Variants in KIAA1549 observed in about 807,000 individuals in gnomAD.
KIAA1549 encodes the protein KIAA1549.
A neutral mutation model predicts 156.4 loss-of-function variants in KIAA1549; 70 were observed. The ratio of observed to expected loss-of-function variants is 0.45; its 90% CI spans 0.37 to 0.55. KIAA1549 has a LOEUF of 0.55. Among genes scored for constraint, KIAA1549 ranks in the 20% least tolerant of loss-of-function variants. KIAA1549 has a pLI of 0.00. For synonymous variants in KIAA1549, 1,103 were observed against 1,066.4 expected (o/e 1.03, Z -0.67); for missense variants, 2,428 against 2,540.9 (o/e 0.96, Z 0.96).
intron 1 of KIAA1549, among the ~76,000 whole-genome samples, chr7:138,972,140 A>C (rs570807372): frequency 3.0e-4 from 46 of 151,928 alleles, no homozygotes; most frequent in Non-Finnish European, 5.7e-4. Flanking sequence ...TCCTCTGGGA[A>C]CTTTCTTTCA....
In KIAA1549 at chr7:138,879,596, T is replaced by G. The variant is rs1367747126; in HGVS notation, c.4287A>C (p.Ala1429=). 2 of 1,568,466 alleles carry G rather than the reference T, an allele frequency of 1.3e-6. No homozygotes were observed. The highest frequency in any genetic ancestry group is 1.9e-5 in the Admixed American group (1 of 53,790). Residue 1429 remains alanine (A), a synonymous_variant, in exon 12 of 20, where the codon GCA becomes GCC. Coordinates refer to ENST00000422774, the MANE Select transcript of KIAA1549 (RefSeq NM_001164665.2). ...TVSEESSERD[A]GDKTPGAVND... ...TGACGGCTCCCGGCGTCTTATCTCC[T>G]GCGTCCCTCTCGCTGGACTCTTCAC...
intron 1 of KIAA1549, among the ~76,000 whole-genome samples, chr7:138,937,718 G>C (rs867271519): frequency 1.3e-4 from 20 of 152,292 alleles, no homozygotes; most frequent in African/African-American, 4.3e-4. Flanking sequence ...CGAATGGTGC[G>C]GGGTCACCAA....
chr7:138,840,175 G>A lies in KIAA1549; in HGVS notation c.5556C>T (p.Gly1852=). The A allele has an allele frequency of 6.4e-7, 1 of 1,559,622 alleles. No individual in the cohort carries two copies. Among genetic ancestry groups the A allele is most frequent in the Non-Finnish European group, 8.7e-7 (1 of 1,151,456 alleles). The change falls in exon 19 of 20, where the codon GGC becomes GGT. Residue 1852 remains glycine (G), a synonymous_variant. Transcript: ENST00000422774. ...PSRGSQYGGP[G]WPSYGEDEAG... ...CTTCGTCCTCCCCGTACGAAGGCCAGCCTGGCCCCCCATACTGGCTGCCTC... is the reference window on the plus strand; with the variant it reads ...CTTCGTCCTCCCCGTACGAAGGCCAACCTGGCCCCCCATACTGGCTGCCTC...
At position 138,879,703 on chromosome 7, in the gene KIAA1549, AG is replaced by A. The variant is rs1325862043; in HGVS notation, c.4230-51del. ...ACATTAGAAACAAGAAAGAATGAAA[AG>A]GAAAAAGTCCCATTAATTTGTGTGT... is the stretch of plus-strand genomic sequence containing the variant. On this transcript the variant is annotated intron_variant, in intron 11 of 19. Coordinates refer to ENST00000422774, the MANE Select transcript of KIAA1549 (RefSeq NM_001164665.2). The A allele has an allele frequency of 3.3e-6, 4 of 1,212,762 alleles. No homozygotes were observed. The East Asian group carries it at 1.0e-4, about 31-fold the overall frequency. 75.1% of individuals were successfully genotyped at this position (1,212,762 alleles called of 1,614,324 possible).
At chr7:138,902,295 G>A (rs918703658) in intron 8 of KIAA1549, among the ~76,000 whole-genome samples, 45 of 152,176 alleles carry the variant, frequency 3.0e-4, no homozygotes, top group Admixed American at 2.4e-3. Flanking sequence ...AACACTTCCC[G>A]GCTCCTGCCC....
chr7:138,926,734 C>A (rs116502209), intron 1 of KIAA1549, among the ~76,000 whole-genome samples: 1,943 of 152,262 alleles, frequency 0.013, 48 homozygotes, highest in African/African-American at 0.044. Context: ...GCAAAATGTA[C>A]ACCAATATCT....
Position 138,954,474 on chromosome 7 carries a change from C to A in KIAA1549, c.187+26609G>T, listed in dbSNP as rs184490550. ...GTGTGGATTTTATCTAACAAGCTGG[C>A]ATCCTTAACAGCCACCCCCTGCCAA... On this transcript the variant is annotated intron_variant, in intron 1 of 19. Coordinates refer to ENST00000422774, the MANE Select transcript of KIAA1549 (RefSeq NM_001164665.2). 8.5e-5 allele frequency among the ~76,000 whole-genome samples: 13 copies of A among 152,280 alleles called. No homozygotes were observed. The East Asian group carries it at 2.5e-3, about 29-fold the overall frequency.
At chr7:138,919,574 T>C (rs1812493460) in intron 1 of KIAA1549, 136 bp from the exon 2 acceptor site, 1 of 1,412,166 alleles carries the variant, frequency 7.1e-7, no homozygotes, top group South Asian at 1.4e-5. Flanking sequence ...CGTCAGAAGT[T>C]AAACAGCTAG....
chr7:138,933,416 G>T (rs2130508743), intron 1 of KIAA1549, among the ~76,000 whole-genome samples: 1 of 152,356 alleles, frequency 6.6e-6, no homozygotes, highest in South Asian at 2.1e-4. Flanking sequence ...GGCAAGAAAA[G>T]ACTGAGGAAC....
rs1563070867 is a variant in KIAA1549 at position 138,903,866 on chromosome 7, C to CGT, written c.3521-131_3521-130insAC. On this transcript the variant is annotated intron_variant, in intron 7 of 19. Transcript: ENST00000422774. ...GTGTGTGTGTGTGCGCGCGCGCGCG[C>CGT]GCGCACATATGTATTTGAAATTAAT... 2.9e-5 allele frequency: 20 copies of CGT among 687,082 alleles called. No homozygotes were observed. The African/African-American group carries it at 4.2e-4, about 14-fold the overall frequency. 42.6% of individuals were successfully genotyped at this position (687,082 alleles called of 1,614,324 possible). A position where few individuals can be genotyped will look rare whatever the true frequency, so the allele number is the denominator to read the frequency against.
In KIAA1549 at chr7:138,918,899, C is replaced by A; in HGVS notation, c.727G>T (p.Val243Phe). The A allele has an allele frequency of 6.2e-7, 1 of 1,613,960 alleles. No homozygotes were observed. Among genetic ancestry groups the A allele is most frequent in the Non-Finnish European group, 8.5e-7 (1 of 1,179,882 alleles). Reference sequence around the variant, plus strand: ...ACCAAATTCCTGCCAGGAGTTGGAACGATGCCCTCAGAGGTGCGAAAAGCT... The same window carrying A: ...ACCAAATTCCTGCCAGGAGTTGGAAAGATGCCCTCAGAGGTGCGAAAAGCT... The part of the protein sequence containing the change: ...RSAFRTSEGI[V>F]PTPGRNLVLY... The change falls in exon 2 of 20, where the codon GTT becomes TTT. Residue 243 changes from valine to phenylalanine, a missense_variant. Transcript: ENST00000422774. The surrounding 1 kb of genome is among the most constrained non-coding windows in gnomAD (Gnocchi z 4.2).
At chr7:138,938,840 G>C (rs1363925423) in intron 1 of KIAA1549, among the ~76,000 whole-genome samples, 1 of 152,190 alleles carries the variant, frequency 6.6e-6, no homozygotes, top group African/African-American at 2.4e-5. Flanking sequence ...CTGAGGACAA[G>C]AGTACAAGAC....
chr7:138,972,404 C>T (rs549665037), intron 1 of KIAA1549, among the ~76,000 whole-genome samples: 1 of 133,198 alleles, frequency 7.5e-6, no homozygotes, highest in Non-Finnish European at 1.6e-5. Context: ...CCTGGGATCT[C>T]AGCTGCACCC....
intron 15 of KIAA1549, among the ~76,000 whole-genome samples, chr7:138,865,182 T>C (rs919663703): frequency 2.0e-4 from 31 of 152,178 alleles, no homozygotes; most frequent in African/African-American, 4.1e-4. Flanking sequence ...TGAGCCGTGA[T>C]TGCACCACTG....
chr7:138,889,239 G>A (rs938213062), intron 10 of KIAA1549, among the ~76,000 whole-genome samples: 1 of 152,130 alleles, frequency 6.6e-6, no homozygotes, highest in African/African-American at 2.4e-5. Flanking sequence ...AGTCAACAAC[G>A]TAAAAATACA....
At chr7:138,958,735 T>C (rs776205049) in intron 1 of KIAA1549, among the ~76,000 whole-genome samples, 2 of 152,140 alleles carry the variant, frequency 1.3e-5, no homozygotes, top group South Asian at 4.1e-4. Context: ...CCCCGAACAG[T>C]AGACGGCAAT....
chr7:138,977,091 T>A (rs1425043730), intron 1 of KIAA1549, among the ~76,000 whole-genome samples: 2 of 152,056 alleles, frequency 1.3e-5, no homozygotes, highest in Non-Finnish European at 2.9e-5. Context: ...TAAGCATAAA[T>A]GCAATAAAAA....
chr7:138,936,916 C>T (rs1382254699), intron 1 of KIAA1549, among the ~76,000 whole-genome samples: 69 of 152,132 alleles, frequency 4.5e-4, no homozygotes, highest in Non-Finnish European at 8.8e-5. Flanking sequence ...CTCCTCTATC[C>T]CCTCCAATCC....
Position 138,861,296 on chromosome 7 carries a change from A to G in KIAA1549, c.5090T>C (p.Leu1697Pro). 6.2e-7 allele frequency: 1 copy of G among 1,608,310 alleles called. No homozygotes were observed. The highest frequency in any genetic ancestry group is 8.5e-7 in the Non-Finnish European group (1 of 1,178,108). Residue 1697 changes from leucine to proline, a missense_variant, in exon 16 of 20, where the codon CTC (leucine) becomes CCC (proline). Around this residue, in one of 5 missense-constraint regions of KIAA1549, gnomAD observed 363 missense variants for 354.0 expected, o/e 1.03. Transcript: ENST00000422774. ...GGCAGGCTGGCTGCTGGGGGCCACG[A>G]GGGCAAAGGCGTCGTCCAGGAGGGA... is the stretch of plus-strand genomic sequence containing the variant. Reference protein sequence around the residue: ...MHSLLDDAFALVAPSSQPAST... With the variant: ...MHSLLDDAFAPVAPSSQPAST...
Sources: allele counts gnomAD v4.1 joint callset (sites outside exome capture counted in the v4.1 genomes callset), GRCh38; gene constraint gnomAD v4.1.1; regional missense constraint gnomAD v4.1.1; non-coding constraint Gnocchi (gnomAD v3.1); transcripts MANE v1.5; gene names NCBI Gene and HGNC (gene_info 2026-07-23, HGNC 2026-07-21).